PLXNB1: variants seen among roughly 807,000 people sequenced by gnomAD.
PLXNB1 encodes the protein plexin-B1.
Under a neutral mutation model 209.4 loss-of-function variants are expected in PLXNB1, and 106 were observed. The observed-to-expected ratio is 0.51, with a 90% CI of 0.43 to 0.59. PLXNB1 has a LOEUF of 0.59. Ranked by LOEUF, PLXNB1 falls within the 20% of genes least tolerant of loss-of-function variation. The pLI is 0.00. For synonymous variants in PLXNB1, 1,167 were observed against 1,183.2 expected (o/e 0.99, Z 0.28); for missense variants, 2,357 against 2,853.2 (o/e 0.83, Z 3.96).
In PLXNB1 at chr3:48,415,042, C is replaced by T; in HGVS notation, c.3967-1G>A. ...AGTTGACATGGCACGGCTCCTCAAA[C>T]TGGAAGGAAGACAGGCAGGTTGACG... On this transcript the variant is annotated splice_acceptor_variant, in intron 20 of 37. Coordinates refer to ENST00000296440, the MANE Select transcript of PLXNB1 (RefSeq NM_001130082.3). LOFTEE classifies it high-confidence loss of function. This position sits in a 1 kb window ranked among gnomAD's most constrained non-coding sequence, Gnocchi z 5.0. The T allele has an allele frequency of 6.2e-7, 1 of 1,612,280 alleles. No homozygotes were observed. Among genetic ancestry groups the T allele is most frequent in the Non-Finnish European group, 8.5e-7 (1 of 1,179,046 alleles).
chr3:48,418,271 G>T lies in PLXNB1; in HGVS notation c.3142C>A (p.Arg1048Ser). The T allele has an allele frequency of 1.9e-6, 3 of 1,613,598 alleles. No individual in the cohort carries two copies. Among genetic ancestry groups the T allele is most frequent in the Non-Finnish European group, 2.5e-6 (3 of 1,180,022 alleles). Residue 1048 changes from arginine to serine, a missense_variant, in exon 15 of 38, where the codon CGT (arginine) becomes AGT (serine). By Grantham distance (110) the Arg-to-Ser change is moderately radical. This residue lies in a region of PLXNB1 where 743 missense variants were observed against 896.2 expected (regional missense o/e 0.83). Transcript: ENST00000296440. The surrounding 1 kb of genome is among the most constrained non-coding windows in gnomAD (Gnocchi z 6.6). The part of the protein sequence containing the change: ...QYGCVWCEGE[R>S]PRCVTREACG... ...GCCTCCCGGGTCACACAACGTGGAC[G>T]CTCCCCCTCACACCACACACAGCCA...
rs373862990 is a variant in PLXNB1 at position 48,418,252 on chromosome 3, C to A, written c.3161G>T (p.Arg1054Leu). The A allele has an allele frequency of 3.1e-6, 5 of 1,613,222 alleles. No individual in the cohort carries two copies. The Admixed American group carries it at 8.3e-5, about 27-fold the overall frequency. The change falls in exon 15 of 38, where the codon CGG (arginine) becomes CTG (leucine). Residue 1054 changes from arginine to leucine, a missense_variant. By Grantham distance (102) the Arg-to-Leu change is moderately radical. Coordinates refer to ENST00000296440, the MANE Select transcript of PLXNB1 (RefSeq NM_001130082.3). The surrounding 1 kb of genome is among the most constrained non-coding windows in gnomAD (Gnocchi z 6.6). ...AGCCTCAGCCTCACCACAGGCCTCC[C>A]GGGTCACACAACGTGGACGCTCCCC... Reference protein sequence around the residue: ...CEGERPRCVTREACGEAEAVA... With the variant: ...CEGERPRCVTLEACGEAEAVA...
At chr3:48,408,341 G>A (rs1179492054) in intron 34 of PLXNB1, among the ~76,000 whole-genome samples, 4 of 152,120 alleles carry the variant, frequency 2.6e-5, no homozygotes, top group Non-Finnish European at 4.4e-5. Context: ...GAGGTGTAGG[G>A]ATGTATCTCT....
intron 1 of PLXNB1, among the ~76,000 whole-genome samples, chr3:48,428,810 G>A (rs1034890787): frequency 6.6e-6 from 1 of 151,342 alleles, no homozygotes; most frequent in African/African-American, 2.4e-5. Flanking sequence ...GGAGAGGAGG[G>A]TCCCCCCCAC....
At position 48,412,580 on chromosome 3, in the gene PLXNB1, C is replaced by T. The variant is rs371302235; in HGVS notation, c.4895G>A (p.Arg1632Gln). The T allele has an allele frequency of 8.7e-6, 14 of 1,613,462 alleles. No homozygotes were observed. The highest frequency in any genetic ancestry group is 1.6e-4 in the Middle Eastern group (1 of 6,084). Reference sequence around the variant, plus strand: ...CAGAGATGCCACGTAGGCACGGTCCCGAGCTGAAAAGGTGCGCTGGCTCTC... The same window carrying T: ...CAGAGATGCCACGTAGGCACGGTCCTGAGCTGAAAAGGTGCGCTGGCTCTC... ...TLESQRTFSA[R>Q]DRAYVASLLT... is the part of the protein sequence containing the mutation. The change falls in exon 26 of 38, where the codon CGG becomes CAG. Residue 1632 changes from arginine (R) to glutamine (Q), a missense_variant. Arg to Gln is a conservative substitution (Grantham distance 43). Transcript: ENST00000296440.
rs2037542189 is a variant in PLXNB1, at chr3:48,409,751, G to A, written c.5779-20C>T. On this transcript the variant is annotated intron_variant, in intron 32 of 37. Coordinates refer to ENST00000296440, the MANE Select transcript of PLXNB1 (RefSeq NM_001130082.3). The surrounding 1 kb of genome is among the most constrained non-coding windows in gnomAD (Gnocchi z 5.8). ...GGTGCCCTGTGGGAAGGAAGAAGCAGAGAGGTGTGGTCAGCAAAGGGCCCT... is the reference window on the plus strand; with the variant it reads ...GGTGCCCTGTGGGAAGGAAGAAGCAAAGAGGTGTGGTCAGCAAAGGGCCCT... 1 of 1,610,964 alleles carries A rather than the reference G, an allele frequency of 6.2e-7. No homozygotes were observed. Among genetic ancestry groups the A allele is most frequent in the African/African-American group, 1.3e-5 (1 of 74,908 alleles).
chr3:48,426,098 A>G (rs2038878475), intron 1 of PLXNB1, among the ~76,000 whole-genome samples: 1 of 152,186 alleles, frequency 6.6e-6, no homozygotes, highest in African/African-American at 2.4e-5. Context: ...GAGCTGTAGA[A>G]GCTAGGCCAT....
chr3:48,408,013 T>A (rs937814295), intron 34 of PLXNB1, among the ~76,000 whole-genome samples: 1 of 152,200 alleles, frequency 6.6e-6, no homozygotes, highest in African/African-American at 2.4e-5. Context: ...TTTCCGTTTT[T>A]GTTTTTGTTT....
chr3:48,413,587 T>G lies in PLXNB1; in HGVS notation c.4535+83A>C, dbSNP rs945798293. On this transcript the variant is annotated intron_variant, in intron 23 of 37. Transcript: ENST00000296440. This position sits in a 1 kb window ranked among gnomAD's most constrained non-coding sequence, Gnocchi z 5.4. ...CTGGCCATTTACAGAGAATGTTTCC[T>G]GACTCCTGGCCCGGTCTGTCCCTTC... is the stretch of plus-strand genomic sequence containing the variant. The G allele has an allele frequency of 1.4e-6, 2 of 1,389,076 alleles. No individual in the cohort carries two copies. The highest frequency in any genetic ancestry group is 1.9e-6 in the Non-Finnish European group (2 of 1,029,202). The allele number at this position is 1,389,076 out of a possible 1,614,324, so 86.0% of individuals were successfully genotyped here. A position where few individuals can be genotyped will look rare whatever the true frequency, so the allele number is the denominator to read the frequency against.
intron 6 of PLXNB1, 72 bp from the exon 7 acceptor site, chr3:48,421,878 C>G: frequency 6.5e-7 from 1 of 1,543,680 alleles, no homozygotes; most frequent in Non-Finnish European, 8.7e-7. Flanking sequence ...GGGACTCCTA[C>G]AATCTGGAGG....
chr3:48,418,004 T>TCA lies in PLXNB1; in HGVS notation c.3280_3281insTG (p.Asn1094MetfsTer90). 1 of 1,613,438 alleles carries TCA rather than the reference T, an allele frequency of 6.2e-7. No homozygotes were observed. Among genetic ancestry groups the TCA allele is most frequent in the Non-Finnish European group, 8.5e-7 (1 of 1,179,986 alleles). On this transcript the variant is annotated frameshift_variant, in exon 16 of 38. Coordinates refer to ENST00000296440, the MANE Select transcript of PLXNB1 (RefSeq NM_001130082.3). LOFTEE classifies it high-confidence loss of function. The surrounding 1 kb of genome is among the most constrained non-coding windows in gnomAD (Gnocchi z 6.6). ...CACATCCTGCACATGCTGGCCCAGG[T>TCA]TGGAGCCCCTGATGGTGACACGGGT...
Position 48,411,341 on chromosome 3 carries a change from A to T in PLXNB1, c.5248-305T>A, listed in dbSNP as rs2037667856. Among the ~76,000 whole-genome samples, 1 of 152,206 alleles carries T rather than the reference A, an allele frequency of 6.6e-6. No homozygotes were observed. Among genetic ancestry groups the T allele is most frequent in the Admixed American group, 6.5e-5 (1 of 15,284 alleles). Reference sequence around the variant, plus strand: ...GTTCCTGGCTGAATGGGTCAGGCTGACGGAGTTTCGGGAAGCCTGCATTCC... The same window carrying T: ...GTTCCTGGCTGAATGGGTCAGGCTGTCGGAGTTTCGGGAAGCCTGCATTCC... On this transcript the variant is annotated intron_variant, in intron 28 of 37. Transcript: ENST00000296440. This position sits in a 1 kb window ranked among gnomAD's most constrained non-coding sequence, Gnocchi z 4.0.
rs752881263 is a variant in PLXNB1 at position 48,415,030 on chromosome 3, C to T, written c.3978G>A (p.Pro1326=). 10 of 1,612,752 alleles carry T rather than the reference C, an allele frequency of 6.2e-6. No individual in the cohort carries two copies. The highest frequency in any genetic ancestry group is 2.7e-5 in the African/African-American group (2 of 74,912). ...TGAGCTGGGAGGAGTTGACATGGCA[C>T]GGCTCCTCAAACTGGAAGGAAGACA... ...PSCSSQQFEE[P]CHVNSSQLIT... The change falls in exon 21 of 38, where the codon CCG becomes CCA. Residue 1326 remains proline (P), a synonymous_variant. Transcript: ENST00000296440. The surrounding 1 kb of genome is among the most constrained non-coding windows in gnomAD (Gnocchi z 5.0).
In PLXNB1 at chr3:48,416,860, A is replaced by C. The variant is rs1327704170; in HGVS notation, c.3375-409T>G. On this transcript the variant is annotated intron_variant, in intron 16 of 37. Coordinates refer to ENST00000296440, the MANE Select transcript of PLXNB1 (RefSeq NM_001130082.3). This position sits in a 1 kb window ranked among gnomAD's most constrained non-coding sequence, Gnocchi z 4.1. Reference sequence around the variant, plus strand: ...GTAGAAACTTGATTTATTCAGGAAAAAGAGTCCCTGAAAGCCTCTAGTCAG... The same window carrying C: ...GTAGAAACTTGATTTATTCAGGAAACAGAGTCCCTGAAAGCCTCTAGTCAG... 1 of 157,758 alleles carries C rather than the reference A, an allele frequency of 6.3e-6. No individual in the cohort carries two copies. The highest frequency in any genetic ancestry group is 1.4e-5 in the Non-Finnish European group (1 of 71,964). The allele number at this position is 157,758 out of a possible 1,614,324, so 9.8% of individuals were successfully genotyped here. A position where few individuals can be genotyped will look rare whatever the true frequency, so the allele number is the denominator to read the frequency against.
Position 48,415,347 on chromosome 3 carries a change from A to C in PLXNB1, c.3795T>G (p.Ser1265Arg), listed in dbSNP as rs202071742. 1 of 1,612,172 alleles carries C rather than the reference A, an allele frequency of 6.2e-7. No individual in the cohort carries two copies. Among genetic ancestry groups the C allele is most frequent in the East Asian group, 2.2e-5 (1 of 44,816 alleles). ...TSAGPTKSFL[S>R]GGREICVRGQ... ...CACGGACGCATATCTCACGTCCTCC[A>C]CTGAAACAGACCGTGAGCTTACGTA... Residue 1265 changes from serine (S) to arginine (R), a missense_variant and splice_region_variant, in exon 20 of 38, where the codon AGT becomes AGG. Physicochemically the swap from Ser to Arg is moderately radical, Grantham distance 110 (BLOSUM62 -1). Transcript: ENST00000296440. This position sits in a 1 kb window ranked among gnomAD's most constrained non-coding sequence, Gnocchi z 5.0.
rs1226198492 is a variant in PLXNB1, at chr3:48,416,178, G to C, written c.3481-11C>G. 1 of 1,597,592 alleles carries C rather than the reference G, an allele frequency of 6.3e-7. No individual in the cohort carries two copies. The highest frequency in any genetic ancestry group is 8.5e-7 in the Non-Finnish European group (1 of 1,172,212). ...ATGGACCTTCGGATCCTGTGGGACA[G>C]ACAGGGAGAGAGATGAGCATCAGAC... On this transcript the variant is annotated splice_polypyrimidine_tract_variant and intron_variant, in intron 17 of 37. Transcript: ENST00000296440. The surrounding 1 kb of genome is among the most constrained non-coding windows in gnomAD (Gnocchi z 4.1).
chr3:48,422,497 A>G (rs1183626320), intron 4 of PLXNB1, 38 bp from the exon 5 acceptor site: 2 of 1,537,454 alleles, frequency 1.3e-6, no homozygotes, highest in East Asian at 2.4e-5. Flanking sequence ...ACCCAAGTCC[A>G]TGGCCAGAGG....
At chr3:48,421,198 C>G (rs773577108) in intron 8 of PLXNB1, 30 bp downstream of exon 8, 15 of 1,606,430 alleles carry the variant, frequency 9.3e-6, no homozygotes, top group Non-Finnish European at 1.2e-5. Flanking sequence ...GGGGCTGGCC[C>G]CCACCAGGCT....
chr3:48,412,777 A>G lies in PLXNB1; in HGVS notation c.4819T>C (p.Ser1607Pro). ...PTVEQGLGQL[S>P]NLLNSKLFLT... The stretch of plus-strand genomic sequence containing the variant: ...AAGAGCTTGCTGTTGAGCAGGTTAG[A>G]GAGCTGCCCCAGCCCTTGCTCCACA... Residue 1607 changes from serine to proline, a missense_variant, in exon 25 of 38, where the codon TCT (serine) becomes CCT (proline). Physicochemically the swap from Ser to Pro is moderately conservative, Grantham distance 74 (BLOSUM62 -1). This residue lies in a region of PLXNB1 where 743 missense variants were observed against 896.2 expected (regional missense o/e 0.83). Transcript: ENST00000296440. The G allele has an allele frequency of 6.2e-7, 1 of 1,613,504 alleles. No individual in the cohort carries two copies.
Sources: allele counts gnomAD v4.1 joint callset (sites outside exome capture counted in the v4.1 genomes callset), GRCh38; gene constraint gnomAD v4.1.1; regional missense constraint gnomAD v4.1.1; non-coding constraint Gnocchi (gnomAD v3.1); transcripts MANE v1.5; gene names NCBI Gene and HGNC (gene_info 2026-07-23, HGNC 2026-07-21).